Variants in KAZN observed in about 807,000 individuals in gnomAD.
KAZN encodes the protein kazrin, periplakin interacting protein, also known as kazrin.
KAZN carries 40 observed loss-of-function variants against 87.4 expected under a neutral mutation model. The ratio of observed to expected loss-of-function variants is 0.46; its 90% CI spans 0.36 to 0.60. KAZN has a LOEUF of 0.60. Among genes scored for constraint, KAZN ranks in the 20% least tolerant of loss-of-function variants. The probability of loss-of-function intolerance (pLI) is 0.00; values close to 1 mark genes in which losing one functional copy is unlikely to be tolerated. For missense variants in KAZN, 898 were observed against 1,073.9 expected, an observed-to-expected ratio of 0.84 and a Z score of 2.29; for synonymous variants, 466 against 458.3, an observed-to-expected ratio of 1.02 and a Z score of -0.22.
chr1:14,866,307 G>A (rs138615483), intron 1 of KAZN, among the ~76,000 whole-genome samples: 5 of 152,310 alleles, frequency 3.3e-5, no homozygotes, highest in East Asian at 1.9e-4. Flanking sequence ...TGTACAGAAA[G>A]CAAGCATCCC....
intron 1 of KAZN, among the ~76,000 whole-genome samples, chr1:14,848,388 T>C (rs545840947): frequency 1.3e-5 from 2 of 152,190 alleles, no homozygotes; most frequent in Non-Finnish European, 2.9e-5. Context: ...TTTCCTCATC[T>C]GTAAAATGGG....
chr1:14,032,446 A>C (rs926092025), intron 1 of KAZN, among the ~76,000 whole-genome samples: 5 of 152,016 alleles, frequency 3.3e-5, no homozygotes, highest in Non-Finnish European at 2.9e-5. Flanking sequence ...GCCCTTAACC[A>C]CTGTACCCTG....
Position 14,225,747 on chromosome 1 carries a change from G to A in KAZN, c.249+45155G>A, listed in dbSNP as rs145880704. Among the ~76,000 whole-genome samples, 1,056 of 151,988 alleles carry A rather than the reference G, an allele frequency of 6.9e-3. 8 individuals carry two copies. Among genetic ancestry groups the A allele is most frequent in the Non-Finnish European group, 0.01 (706 of 67,926 alleles). On this transcript the variant is annotated intron_variant, in intron 2 of 16. Coordinates refer to the KAZN transcript ENST00000636203. Reference sequence around the variant, plus strand: ...AATCCTTGATAAAGCCAATAATAACGAGCAATGGGGAAAGGAATGCCTATT... The same window carrying A: ...AATCCTTGATAAAGCCAATAATAACAAGCAATGGGGAAAGGAATGCCTATT...
intron 1 of KAZN, among the ~76,000 whole-genome samples, chr1:14,897,776 T>G (rs550621202): frequency 1.3e-5 from 2 of 152,264 alleles, no homozygotes; most frequent in East Asian, 3.9e-4. Context: ...ATGAAGAAAA[T>G]CCAGCCTTCT....
chr1:14,427,940 TC>T (rs1180394363), intron 2 of KAZN, among the ~76,000 whole-genome samples: 36 of 152,336 alleles, frequency 2.4e-4, no homozygotes, highest in African/African-American at 8.7e-4. Flanking sequence ...AGTATGGATT[TC>T]TTTCAGGCTG....
chr1:14,524,903 C>T (rs1671782833), intron 2 of KAZN, among the ~76,000 whole-genome samples: 1 of 152,156 alleles, frequency 6.6e-6, no homozygotes, highest in Admixed American at 6.5e-5. Flanking sequence ...AAGAAAAAGC[C>T]AAAATATTCA....
chr1:14,483,348 G>A (rs186241513), intron 2 of KAZN, among the ~76,000 whole-genome samples: 5 of 152,144 alleles, frequency 3.3e-5, no homozygotes, highest in African/African-American at 1.2e-4. Flanking sequence ...AAAAACATCA[G>A]CAAGAGGGCC....
In KAZN at chr1:14,579,566, G is replaced by A. The variant is rs998601023; in HGVS notation, c.250-19417G>A. ...CGTGAACCTGGGAGGTGGAGCTTGC[G>A]GTGAGCCGAGATCGCACCACTGCAC... On this transcript the variant is annotated intron_variant, in intron 2 of 16. Coordinates refer to the KAZN transcript ENST00000636203. Among the ~76,000 whole-genome samples the A allele has an allele frequency of 5.1e-4, 77 of 151,910 alleles. 1 individual carries two copies. Among genetic ancestry groups the A allele is most frequent in the African/African-American group, 1.8e-3 (73 of 41,416 alleles).
chr1:14,793,696 A>T (rs1242018643), intron 1 of KAZN, among the ~76,000 whole-genome samples: 1 of 152,142 alleles, frequency 6.6e-6, no homozygotes, highest in Non-Finnish European at 1.5e-5. Context: ...GTGACTTGAG[A>T]CAGATCAGAA....
chr1:14,473,464 G>A (rs1012169859), intron 2 of KAZN, among the ~76,000 whole-genome samples: 3 of 151,516 alleles, frequency 2.0e-5, no homozygotes, highest in Non-Finnish European at 2.9e-5. Flanking sequence ...CCATCTCTAC[G>A]AAAAATACAA....
intron 1 of KAZN, among the ~76,000 whole-genome samples, chr1:14,693,958 C>T (rs992230219): frequency 1.3e-5 from 2 of 152,184 alleles, no homozygotes; most frequent in African/African-American, 2.4e-5. Flanking sequence ...TAAAATGTAG[C>T]ATGCAGTCTA....
chr1:13,951,416 C>T lies in KAZN; in HGVS notation c.91+57660C>T, dbSNP rs145012475. Among the ~76,000 whole-genome samples the T allele has an allele frequency of 1.6e-4, 25 of 152,190 alleles. No homozygotes were observed. In the East Asian group the frequency reaches 3.1e-3, roughly 19 times the overall value. The stretch of plus-strand genomic sequence containing the variant: ...TTAGACCCATGCCTGGCTCATGGTT[C>T]GGGGACCACACTTCCTGGTGAGCTC... On this transcript the variant is annotated intron_variant, in intron 1 of 16. Transcript: ENST00000636203.
In KAZN at chr1:14,996,005, G is replaced by A. The variant is rs1486142041; in HGVS notation, c.418+35130G>A. Among the ~76,000 whole-genome samples the A allele has an allele frequency of 2.6e-5, 4 of 152,140 alleles. No individual in the cohort carries two copies. The highest frequency in any genetic ancestry group is 1.9e-4 in the East Asian group (1 of 5,170). ...GGTCAACAGTCAGCTGGACCCAAGG[G>A]CGGCTGCCCTATAAGACACCTAATG... is the stretch of plus-strand genomic sequence containing the variant. On this transcript the variant is annotated intron_variant, in intron 2 of 14. Transcript: ENST00000376030. This position sits in a 1 kb window ranked among gnomAD's most constrained non-coding sequence, Gnocchi z 5.9.
intron 1 of KAZN, among the ~76,000 whole-genome samples, chr1:14,075,659 A>C (rs1464150752): frequency 6.6e-6 from 1 of 152,142 alleles, no homozygotes; most frequent in African/African-American, 2.4e-5. Context: ...TTGAAAAATG[A>C]TTGTTTTTGC....
chr1:14,207,741 C>T (rs1447223969), intron 2 of KAZN, among the ~76,000 whole-genome samples: 2 of 152,046 alleles, frequency 1.3e-5, no homozygotes, highest in Non-Finnish European at 2.9e-5. Flanking sequence ...TTCTAGAATG[C>T]CCAGGGACAT....
At chr1:14,636,492 CTG>C (rs1293813030) in intron 1 of KAZN, among the ~76,000 whole-genome samples, 4 of 152,202 alleles carry the variant, frequency 2.6e-5, no homozygotes, top group Admixed American at 1.3e-4. Context: ...TCGCTTAAAA[CTG>C]TGTTAATTAT....
At chr1:14,048,906 A>G (rs1395217203) in intron 1 of KAZN, among the ~76,000 whole-genome samples, 2 of 152,100 alleles carry the variant, frequency 1.3e-5, no homozygotes, top group Non-Finnish European at 2.9e-5. Flanking sequence ...AAGTGTTCCT[A>G]TTTCTCCACA....
At chr1:14,194,977 A>T (rs1043441391) in intron 2 of KAZN, among the ~76,000 whole-genome samples, 1 of 152,164 alleles carries the variant, frequency 6.6e-6, no homozygotes, top group African/African-American at 2.4e-5. Context: ...GGAGTATTCA[A>T]GTATAGTTCT....
chr1:14,277,557 G>T (rs1422708942), intron 2 of KAZN, among the ~76,000 whole-genome samples: 4 of 151,664 alleles, frequency 2.6e-5, no homozygotes, highest in Non-Finnish European at 5.9e-5. Context: ...CCAGCTACTC[G>T]GGAGGCTGAG....
Sources: gnomAD v4.1 joint callset for allele counts (sites outside exome capture counted in the v4.1 genomes callset) on GRCh38, gnomAD v4.1.1 for gene constraint, Gnocchi (gnomAD v3.1) non-coding constraint, MANE v1.5 for transcripts, NCBI Gene and HGNC (gene_info 2026-07-23, HGNC 2026-07-21) for gene names.